MOCS3: variants seen among roughly 807,000 people sequenced by gnomAD.
MOCS3 encodes the protein molybdenum cofactor synthesis 3.
Under a neutral mutation model 8.4 loss-of-function variants are expected in MOCS3, and 9 were observed. The ratio of observed to expected loss-of-function variants is 1.07; its 90% confidence interval spans 0.65 to 1.87. MOCS3 has a LOEUF of 1.87. Among genes scored for constraint, MOCS3 ranks in the 40% most tolerant of loss-of-function variants. MOCS3 has a pLI of 0.00. For synonymous variants in MOCS3, 294 were observed against 272.0 expected (o/e 1.08, Z -0.80); for missense variants, 581 against 599.7 (o/e 0.97, Z 0.33).
Position 50,960,007 on chromosome 20 carries a change from T to G in MOCS3, c.1165T>G (p.Leu389Val), listed in dbSNP as rs1413902594. Reference sequence around the variant, plus strand: ...CAGGGATGCGGAGAGCCTGAAACTCTTAAAAGAAGCAATCTGGGAAGAGAA... The same window carrying G: ...CAGGGATGCGGAGAGCCTGAAACTCGTAAAAGAAGCAATCTGGGAAGAGAA... ...ERRDAESLKL[L>V]KEAIWEEKQG... Residue 389 changes from leucine to valine, a missense_variant, in exon 1 of 1, where the codon TTA (leucine) becomes GTA (valine). Transcript: ENST00000244051. The G allele has an allele frequency of 1.2e-6, 2 of 1,614,240 alleles. No individual in the cohort carries two copies. The highest frequency in any genetic ancestry group is 2.2e-5 in the East Asian group (1 of 44,886).
At position 50,959,379 on chromosome 20, in the gene MOCS3, C is replaced by T; in HGVS notation, c.537C>T (p.Cys179=). ...GCCGATATGATGTGGTGGCTGACTG[C>T]TCGGACAACGTGCCCACTCGCTACC... ...LVRRYDVVAD[C]SDNVPTRYLV... Residue 179 remains cysteine (C), a synonymous_variant, in exon 1 of 1, where the codon TGC becomes TGT. Coordinates refer to ENST00000244051, the MANE Select transcript of MOCS3 (RefSeq NM_014484.5). 3 of 1,612,624 alleles carry T rather than the reference C, an allele frequency of 1.9e-6. No individual in the cohort carries two copies. The highest frequency in any genetic ancestry group is 2.5e-6 in the Non-Finnish European group (3 of 1,179,238).
Position 50,962,229 on chromosome 20 carries a change from G to C in MOCS3, c.*2004G>C, listed in dbSNP as rs1414023917. 1 of 152,296 alleles carries C rather than the reference G, an allele frequency of 6.6e-6. No homozygotes were observed. The highest frequency in any genetic ancestry group is 1.5e-5 in the Non-Finnish European group (1 of 68,128). 9.4% of individuals were successfully genotyped at this position (152,296 alleles called of 1,614,324 possible). On this transcript the variant is annotated 3_prime_UTR_variant, in exon 1 of 1. Transcript: ENST00000244051. ...AGGAAACGCCACTACAGTCTCACCA[G>C]TTTCACTTGACGTGCCCCCCCAACT...
In MOCS3 at chr20:50,959,887, G is replaced by A. The variant is rs1317205336; in HGVS notation, c.1045G>A (p.Ala349Thr). 1.2e-6 allele frequency: 2 copies of A among 1,614,098 alleles called. No individual in the cohort carries two copies. Among genetic ancestry groups the A allele is most frequent in the African/African-American group, 1.3e-5 (1 of 74,938 alleles). The part of the protein sequence containing the change: ...TDYKRLLDSG[A>T]FHLLLDVRPQ... ...CTATAAGCGACTGCTGGATTCTGGG[G>A]CATTCCACCTGTTGCTGGACGTCAG... The change falls in exon 1 of 1, where the codon GCA (alanine) becomes ACA (threonine). Residue 349 changes from alanine to threonine, a missense_variant. Ala to Thr is a moderately conservative substitution (Grantham distance 58). Transcript: ENST00000244051.
At position 50,959,142 on chromosome 20, in the gene MOCS3, C is replaced by G. The variant is rs749220371; in HGVS notation, c.300C>G (p.Tyr100Ter). Residue 100 changes from tyrosine to a stop codon, truncating the protein, a stop_gained, in exon 1 of 1, where the codon TAC (tyrosine) becomes TAG (stop). Coordinates refer to ENST00000244051, the MANE Select transcript of MOCS3 (RefSeq NM_014484.5). LOFTEE classifies it low-confidence loss of function (END_TRUNC). ...CGGLGCPLAQ[Y>*]LAAAGVGRLG... ...GGCTCGGCTGTCCACTAGCGCAGTA[C>G]TTGGCAGCGGCCGGCGTGGGCCGCC... The G allele has an allele frequency of 6.2e-7, 1 of 1,613,106 alleles. No homozygotes were observed. Among genetic ancestry groups the G allele is most frequent in the South Asian group, 1.1e-5 (1 of 91,080 alleles).
rs1987104734 is a variant in MOCS3 at position 50,961,596 on chromosome 20, A to C, written c.*1371A>C. 1 of 152,228 alleles carries C rather than the reference A, an allele frequency of 6.6e-6. No individual in the cohort carries two copies. Among genetic ancestry groups the C allele is most frequent in the Non-Finnish European group, 1.5e-5 (1 of 68,040 alleles). The allele number at this position is 152,228 out of a possible 1,614,324, so 9.4% of individuals were successfully genotyped here. A position where few individuals can be genotyped will look rare whatever the true frequency, so the allele number is the denominator to read the frequency against. On this transcript the variant is annotated 3_prime_UTR_variant, in exon 1 of 1. Coordinates refer to ENST00000244051, the MANE Select transcript of MOCS3 (RefSeq NM_014484.5). ...TTTTTTTAAAGCTTAAATGTATCAT[A>C]AGCCAGCAAAAACCCTTTGTAGACC... is the stretch of plus-strand genomic sequence containing the variant.
At position 50,963,035 on chromosome 20, in the gene MOCS3, A is replaced by C. The variant is rs560926557; in HGVS notation, c.*2810A>C. 7 of 152,324 alleles carry C rather than the reference A, an allele frequency of 4.6e-5. 1 individual carries two copies. The highest frequency in any genetic ancestry group is 2.1e-4 in the South Asian group (1 of 4,828). The allele number at this position is 152,324 out of a possible 1,614,324, so 9.4% of individuals were successfully genotyped here. A position where few individuals can be genotyped will look rare whatever the true frequency, so the allele number is the denominator to read the frequency against. On this transcript the variant is annotated 3_prime_UTR_variant, in exon 1 of 1. Transcript: ENST00000244051. ...TGGGTTCAAGTGATCCTCCCACCTCAGCCTCTCAAGTAGCTTGAATTACAG... is the reference window on the plus strand; with the variant it reads ...TGGGTTCAAGTGATCCTCCCACCTCCGCCTCTCAAGTAGCTTGAATTACAG...
chr20:50,961,279 T>C lies in MOCS3; in HGVS notation c.*1054T>C, dbSNP rs1219165816. 1 of 167,092 alleles carries C rather than the reference T, an allele frequency of 6.0e-6. No individual in the cohort carries two copies. The highest frequency in any genetic ancestry group is 1.5e-5 in the Non-Finnish European group (1 of 68,124). 10.4% of individuals were successfully genotyped at this position (167,092 alleles called of 1,614,324 possible). On this transcript the variant is annotated 3_prime_UTR_variant, in exon 1 of 1. Coordinates refer to ENST00000244051, the MANE Select transcript of MOCS3 (RefSeq NM_014484.5). ...TTTCTCTTTTGATTTAATGTTTTTT[T>C]ATTCCAGCATTTTATACTAATGTAA...
Position 50,959,294 on chromosome 20 carries a change from C to T in MOCS3, c.452C>T (p.Ala151Val). ...GCCTCGCTGCGCCGCCTCAATTCGG[C>T]AGTGGAATGCGTGCCGTACACTCAG... ...AAASLRRLNS[A>V]VECVPYTQAL... Residue 151 changes from alanine to valine, a missense_variant, in exon 1 of 1, where the codon GCA becomes GTA. Coordinates refer to ENST00000244051, the MANE Select transcript of MOCS3 (RefSeq NM_014484.5). 4 of 1,610,302 alleles carry T rather than the reference C, an allele frequency of 2.5e-6. No homozygotes were observed. The highest frequency in any genetic ancestry group is 1.1e-5 in the South Asian group (1 of 91,050).
Position 50,960,770 on chromosome 20 carries a change from A to C in MOCS3, c.*545A>C, listed in dbSNP as rs1388288676. On this transcript the variant is annotated 3_prime_UTR_variant, in exon 1 of 1. Coordinates refer to ENST00000244051, the MANE Select transcript of MOCS3 (RefSeq NM_014484.5). ...ATTTTTTTTTTTTTTTTGAGATGGAATCTCTCTCTGTTGCCCAGGCTGGAG... is the reference window on the plus strand; with the variant it reads ...ATTTTTTTTTTTTTTTTGAGATGGACTCTCTCTCTGTTGCCCAGGCTGGAG... 1 of 159,064 alleles carries C rather than the reference A, an allele frequency of 6.3e-6. No individual in the cohort carries two copies. The highest frequency in any genetic ancestry group is 1.5e-5 in the Non-Finnish European group (1 of 67,964). The allele number at this position is 159,064 out of a possible 1,614,324, so 9.9% of individuals were successfully genotyped here.
Position 50,959,031 on chromosome 20 carries a change from T to C in MOCS3, c.189T>C (p.Tyr63=), listed in dbSNP as rs1252267502. The C allele has an allele frequency of 4.3e-6, 7 of 1,612,586 alleles. No individual in the cohort carries two copies. The East Asian group carries it at 6.7e-5, about 15-fold the overall frequency. The change falls in exon 1 of 1, where the codon TAT becomes TAC. Residue 63 remains tyrosine, a synonymous_variant. Transcript: ENST00000244051. ...TGTCCCGAGATGAGATTCTGCGCTA[T>C]AGCCGGCAGCTAGTGCTGCCCGAGC... ...AALSRDEILR[Y]SRQLVLPELG... is the part of the protein sequence containing the mutation.
chr20:50,961,354 C>T lies in MOCS3; in HGVS notation c.*1129C>T, dbSNP rs1987099882. On this transcript the variant is annotated 3_prime_UTR_variant, in exon 1 of 1. Transcript: ENST00000244051. Reference sequence around the variant, plus strand: ...ACATTTTCATAAAATAGTAGGTAGTCTCACCAACTTCCAATATATACAACA... The same window carrying T: ...ACATTTTCATAAAATAGTAGGTAGTTTCACCAACTTCCAATATATACAACA... The T allele has an allele frequency of 6.2e-6, 1 of 162,124 alleles. No individual in the cohort carries two copies. The highest frequency in any genetic ancestry group is 2.4e-5 in the African/African-American group (1 of 41,394). 10.0% of individuals were successfully genotyped at this position (162,124 alleles called of 1,614,324 possible).
rs767877512 is a variant in MOCS3 at position 50,959,314 on chromosome 20, A to C, written c.472A>C (p.Thr158Pro). The change falls in exon 1 of 1, where the codon ACT (threonine) becomes CCT (proline). Residue 158 changes from threonine (T) to proline (P), a missense_variant. Transcript: ENST00000244051. ...TTCGGCAGTGGAATGCGTGCCGTAC[A>C]CTCAGGCCCTTACGCCAGCCACTGC... ...LNSAVECVPY[T>P]QALTPATALD... The C allele has an allele frequency of 9.9e-6, 16 of 1,609,918 alleles. No homozygotes were observed. The highest frequency in any genetic ancestry group is 4.4e-5 in the South Asian group (4 of 91,048).
Position 50,963,807 on chromosome 20 carries a change from C to A in MOCS3, c.*3582C>A, listed in dbSNP as rs1229609729. 1.3e-5 allele frequency: 2 copies of A among 152,252 alleles called. No individual in the cohort carries two copies. The highest frequency in any genetic ancestry group is 2.9e-5 in the Non-Finnish European group (2 of 68,054). 9.4% of individuals were successfully genotyped at this position (152,252 alleles called of 1,614,324 possible). A position where few individuals can be genotyped will look rare whatever the true frequency, so the allele number is the denominator to read the frequency against. On this transcript the variant is annotated 3_prime_UTR_variant, in exon 1 of 1. Transcript: ENST00000244051. ...CCCATTCCCTAAGTGTCATGCTATA[C>A]TGACTCTAAGCAAAACTTTGCCATT...
chr20:50,959,815 C>T lies in MOCS3; in HGVS notation c.973C>T (p.Arg325Cys), dbSNP rs1485973137. ...FCGSSATDKC[R>C]SLQLLSPEER... ...TGGCTCCTCAGCCACTGATAAATGC[C>T]GCTCCCTGCAACTACTGAGCCCAGA... is the stretch of plus-strand genomic sequence containing the variant. Residue 325 changes from arginine (R) to cysteine (C), a missense_variant, in exon 1 of 1, where the codon CGC (arginine) becomes TGC (cysteine). Arg to Cys is a radical substitution (Grantham distance 180). Transcript: ENST00000244051. The T allele has an allele frequency of 1.9e-6, 3 of 1,614,242 alleles. No homozygotes were observed. The highest frequency in any genetic ancestry group is 1.7e-6 in the Non-Finnish European group (2 of 1,180,058).
At position 50,959,518 on chromosome 20, in the gene MOCS3, A is replaced by G. The variant is rs1987032292; in HGVS notation, c.676A>G (p.Ile226Val). 1.2e-6 allele frequency: 2 copies of G among 1,613,952 alleles called. No individual in the cohort carries two copies. Among genetic ancestry groups the G allele is most frequent in the Non-Finnish European group, 8.5e-7 (1 of 1,180,048 alleles). Residue 226 changes from isoleucine to valine, a missense_variant, in exon 1 of 1, where the codon ATA becomes GTA. Transcript: ENST00000244051. ...TGACGGTGGCCCTTGCTATCGCTGCATATTCCCCCAACCACCCCCAGCGGA... is the reference window on the plus strand; with the variant it reads ...TGACGGTGGCCCTTGCTATCGCTGCGTATTCCCCCAACCACCCCCAGCGGA... Reference protein sequence around the residue: ...HYDGGPCYRCIFPQPPPAETV... With the variant: ...HYDGGPCYRCVFPQPPPAETV...
At position 50,959,265 on chromosome 20, in the gene MOCS3, C is replaced by T; in HGVS notation, c.423C>T (p.Ala141=). ...ALAGQAKAFS[A]AASLRRLNSA... ...CTGGCCAGGCCAAGGCCTTTTCGGC[C>T]GCCGCCTCGCTGCGCCGCCTCAATT... The change falls in exon 1 of 1, where the codon GCC becomes GCT. Residue 141 remains alanine, a synonymous_variant. Coordinates refer to ENST00000244051, the MANE Select transcript of MOCS3 (RefSeq NM_014484.5). 1 of 1,609,940 alleles carries T rather than the reference C, an allele frequency of 6.2e-7. No individual in the cohort carries two copies. The highest frequency in any genetic ancestry group is 8.5e-7 in the Non-Finnish European group (1 of 1,179,322).
chr20:50,960,018 A>C lies in MOCS3; in HGVS notation c.1176A>C (p.Ala392=). The part of the protein sequence containing the change: ...DAESLKLLKE[A]IWEEKQGTQE... The stretch of plus-strand genomic sequence containing the variant: ...AGAGCCTGAAACTCTTAAAAGAAGC[A>C]ATCTGGGAAGAGAAGCAGGGCACAC... Residue 392 remains alanine, a synonymous_variant, in exon 1 of 1, where the codon GCA becomes GCC. Coordinates refer to ENST00000244051, the MANE Select transcript of MOCS3 (RefSeq NM_014484.5). 1 of 1,614,258 alleles carries C rather than the reference A, an allele frequency of 6.2e-7. No homozygotes were observed. The highest frequency in any genetic ancestry group is 8.5e-7 in the Non-Finnish European group (1 of 1,180,042).
Position 50,959,414 on chromosome 20 carries a change from A to G in MOCS3, c.572A>G (p.Asp191Gly). ...DNVPTRYLVN[D>G]ACVLAGRPLV... is the part of the protein sequence containing the mutation. Reference sequence around the variant, plus strand: ...GTGCCCACTCGCTACCTGGTTAATGACGCATGTGTGCTGGCGGGTCGGCCC... The same window carrying G: ...GTGCCCACTCGCTACCTGGTTAATGGCGCATGTGTGCTGGCGGGTCGGCCC... Residue 191 changes from aspartate to glycine, a missense_variant, in exon 1 of 1, where the codon GAC becomes GGC. Transcript: ENST00000244051. The G allele has an allele frequency of 6.2e-7, 1 of 1,613,868 alleles. No homozygotes were observed. The highest frequency in any genetic ancestry group is 8.5e-7 in the Non-Finnish European group (1 of 1,179,994).
rs74685850 is a variant in MOCS3 at position 50,961,412 on chromosome 20, C to G, written c.*1187C>G. ...AAGTAAAAATTTGATTTGTGAGTGC[C>G]TATCAGTGGCCAGATGAACTAATGG... On this transcript the variant is annotated 3_prime_UTR_variant, in exon 1 of 1. Transcript: ENST00000244051. 46 of 153,812 alleles carry G rather than the reference C, an allele frequency of 3.0e-4. No homozygotes were observed. Among genetic ancestry groups the G allele is most frequent in the Non-Finnish European group, 4.7e-4 (32 of 68,034 alleles). The allele number at this position is 153,812 out of a possible 1,614,324, so 9.5% of individuals were successfully genotyped here.
Sources: gnomAD v4.1 joint callset for allele counts on GRCh38, gnomAD v4.1.1 for gene constraint, MANE v1.5 for transcripts, NCBI Gene and HGNC (gene_info 2026-07-23, HGNC 2026-07-21) for gene names.